C14orf39: variants seen among roughly 807,000 people sequenced by gnomAD.
The protein encoded by C14orf39 is protein SIX6OS1.
A neutral mutation model predicts 85.6 loss-of-function variants in C14orf39; 66 were observed. The observed-to-expected ratio is 0.77, with a 90% CI of 0.63 to 0.95. The LOEUF is 0.95. C14orf39 is among the 40% of genes least tolerant of loss of function. C14orf39 has a pLI of 0.00. For synonymous variants in C14orf39, 242 were observed against 214.0 expected (o/e 1.13, Z -1.14); for missense variants, 735 against 663.9 (o/e 1.11, Z -1.18).
At chr14:60,476,866 G>C (rs956118886) in intron 5 of C14orf39, among the ~76,000 whole-genome samples, 6 of 144,592 alleles carry the variant, frequency 4.1e-5, no homozygotes, top group African/African-American at 1.5e-4. Flanking sequence ...CAATTGACCT[G>C]TTTTTTTAAA....
intron 11 of C14orf39, among the ~76,000 whole-genome samples, chr14:60,462,513 T>A (rs1411952859): frequency 6.6e-6 from 1 of 152,184 alleles, no homozygotes; most frequent in Non-Finnish European, 1.5e-5. Context: ...TGACTCAAAA[T>A]CAAAATATAG....
chr14:60,464,435 T>C (rs928396264), intron 11 of C14orf39, among the ~76,000 whole-genome samples: 4 of 152,260 alleles, frequency 2.6e-5, no homozygotes, highest in Middle Eastern at 3.4e-3. Flanking sequence ...AAACTCACAA[T>C]CAGTACTCTT....
intron 1 of C14orf39, among the ~76,000 whole-genome samples, chr14:60,504,201 A>G (rs1893178413): frequency 6.6e-6 from 1 of 152,246 alleles, no homozygotes; most frequent in Admixed American, 6.5e-5. Flanking sequence ...TGTATTTTTT[A>G]TAATGCAATA....
At chr14:60,509,187 C>T in intron 1 of C14orf39, 1 of 589,446 alleles carries the variant, frequency 1.7e-6, no homozygotes, top group Non-Finnish European at 3.0e-6. Context: ...CTGAGCCGAG[C>T]CGAGCCCGAA....
At chr14:60,485,403 C>G (rs1892837076) in intron 1 of C14orf39, among the ~76,000 whole-genome samples, 1 of 152,212 alleles carries the variant, frequency 6.6e-6, no homozygotes, top group Non-Finnish European at 1.5e-5. Flanking sequence ...TTCACGGACA[C>G]CCAGATTTCT....
At chr14:60,452,493 C>A (rs1891083236) in intron 16 of C14orf39, among the ~76,000 whole-genome samples, 1 of 150,510 alleles carries the variant, frequency 6.6e-6, no homozygotes, top group Non-Finnish European at 1.5e-5. Context: ...TTACCAGAGG[C>A]TGGGAAAGGT....
At chr14:60,512,148 A>T in intron 1 of C14orf39, 1 of 152,266 alleles carries the variant, frequency 6.6e-6, no homozygotes, top group Non-Finnish European at 1.5e-5. Context: ...TCCCCAGCAC[A>T]GGTAATTATG....
intron 7 of C14orf39, 143 bp downstream of exon 7, chr14:60,471,274 G>T: frequency 2.7e-6 from 2 of 734,944 alleles, no homozygotes; most frequent in Non-Finnish European, 4.4e-6. Context: ...AATCCAAGAT[G>T]ACCTTTAAAA....
At chr14:60,442,994 T>A (rs1387566673) in intron 16 of C14orf39, among the ~76,000 whole-genome samples, 1 of 152,094 alleles carries the variant, frequency 6.6e-6, no homozygotes, top group Non-Finnish European at 1.5e-5. Flanking sequence ...ATATTTTACA[T>A]CTTCGTCATT....
At chr14:60,510,454 G>C (rs1294997579) in intron 1 of C14orf39, among the ~76,000 whole-genome samples, 1 of 152,224 alleles carries the variant, frequency 6.6e-6, no homozygotes, top group Non-Finnish European at 1.5e-5. Flanking sequence ...GAAATGGGAA[G>C]TCGAGTTTTC....
At chr14:60,503,069 G>T (rs533395317) in intron 1 of C14orf39, among the ~76,000 whole-genome samples, 3 of 152,258 alleles carry the variant, frequency 2.0e-5, no homozygotes, top group African/African-American at 7.2e-5. Flanking sequence ...GAGTTCAGAG[G>T]GTTTTGTTTA....
intron 1 of C14orf39, among the ~76,000 whole-genome samples, chr14:60,513,147 GC>G (rs1893317572): frequency 6.6e-6 from 1 of 152,136 alleles, no homozygotes; most frequent in Admixed American, 6.5e-5. Flanking sequence ...GTGTATGGTG[GC>G]CCTTATCCAG....
chr14:60,496,320 C>A (rs898200498), intron 2 of C14orf39: 5 of 363,316 alleles, frequency 1.4e-5, no homozygotes, highest in Non-Finnish European at 2.7e-5. Context: ...ATTCATCATA[C>A]CTTGTTGCCC....
intron 1 of C14orf39, among the ~76,000 whole-genome samples, chr14:60,502,246 G>A (rs948668357): frequency 6.6e-6 from 1 of 152,094 alleles, no homozygotes; most frequent in African/African-American, 2.4e-5. Context: ...AGTCTAGTGA[G>A]GAGGTCCTCA....
intron 16 of C14orf39, among the ~76,000 whole-genome samples, chr14:60,451,590 G>C (rs1891037134): frequency 6.6e-6 from 1 of 150,810 alleles, no homozygotes; most frequent in Admixed American, 6.6e-5. Context: ...CACAAGGACA[G>C]AAAACTAAAC....
At position 60,436,992 on chromosome 14, in the gene C14orf39, TG is replaced by T; in HGVS notation, c.1616del (p.Ser539Ter). ...GEDGFTFSFP[S>X]DTSTHTFGAG... ...CTCCAAATGTATGAGTTGAAGTGTC[TG>T]ATGGAAAAGAAAATGTAAAGCCATC... On this transcript the variant is annotated frameshift_variant, in exon 18 of 18. Coordinates refer to ENST00000321731, the MANE Select transcript of C14orf39 (RefSeq NM_174978.3). LOFTEE classifies it high-confidence loss of function. The T allele has an allele frequency of 1.9e-6, 3 of 1,611,760 alleles. No individual in the cohort carries two copies. The highest frequency in any genetic ancestry group is 2.5e-6 in the Non-Finnish European group (3 of 1,179,086).
intron 1 of C14orf39, among the ~76,000 whole-genome samples, chr14:60,508,068 G>A (rs1457227893): frequency 1.3e-5 from 2 of 152,136 alleles, no homozygotes; most frequent in Non-Finnish European, 2.9e-5. Context: ...ACTACAGGAG[G>A]GGTCAATAAT....
rs555755057 is a variant in C14orf39, at chr14:60,461,318, C to A, written c.1117+36G>T. 5.1e-6 allele frequency: 8 copies of A among 1,567,874 alleles called. No homozygotes were observed. The African/African-American group carries it at 8.1e-5, about 16-fold the overall frequency. Reference sequence around the variant, plus strand: ...TAAAAACCTGATATAATTTGTTACCCCGACTTCTTAGAAGAAAAATATAAA... The same window carrying A: ...TAAAAACCTGATATAATTTGTTACCACGACTTCTTAGAAGAAAAATATAAA... On this transcript the variant is annotated intron_variant, in intron 13 of 17. Coordinates refer to ENST00000321731, the MANE Select transcript of C14orf39 (RefSeq NM_174978.3).
At chr14:60,507,256 A>G (rs1477384931) in intron 1 of C14orf39, among the ~76,000 whole-genome samples, 3 of 152,072 alleles carry the variant, frequency 2.0e-5, no homozygotes. Context: ...AAGCTCCGGG[A>G]TCGCAGCCCT....
Sources: allele counts gnomAD v4.1 joint callset (sites outside exome capture counted in the v4.1 genomes callset), GRCh38; gene constraint gnomAD v4.1.1; transcripts MANE v1.5; gene names NCBI Gene and HGNC (gene_info 2026-07-23, HGNC 2026-07-21).